SLC45A4: variants seen among roughly 807,000 people sequenced by gnomAD.
SLC45A4 encodes polyamine-transporter SLC45A4.
Under a neutral mutation model 63.7 loss-of-function variants are expected in SLC45A4, and 32 were observed. The ratio of observed to expected loss-of-function variants is 0.50; its 90% CI spans 0.38 to 0.67. The LOEUF (loss-of-function observed/expected upper bound fraction) is 0.67. Among genes scored for constraint, SLC45A4 ranks in the 30% least tolerant of loss-of-function variants. The probability of loss-of-function intolerance (pLI) is 0.00; values close to 1 mark genes in which losing one functional copy is unlikely to be tolerated. For missense variants in SLC45A4, 1,027 were observed against 1,157.7 expected (o/e 0.89, Z 1.64); for synonymous variants, 535 against 510.0 (o/e 1.05, Z -0.66).
rs1828654467 is a variant in SLC45A4, at chr8:141,254,085, T to C, written c.145A>G (p.Met49Val). ...GCCCCGTGCATCACCCACAGGCGCATGGGGATTCGGTCTATGGACCCCTCG... is the reference window on the plus strand; with the variant it reads ...GCCCCGTGCATCACCCACAGGCGCACGGGGATTCGGTCTATGGACCCCTCG... ...ISEGSIDRIP[M>V]RLWVMHGAVM... Residue 49 changes from methionine (M) to valine (V), a missense_variant, in exon 2 of 9, where the codon ATG becomes GTG. Coordinates refer to ENST00000517878, the MANE Select transcript of SLC45A4 (RefSeq NM_001286646.2). This position sits in a 1 kb window ranked among gnomAD's most constrained non-coding sequence, Gnocchi z 4.5. 4 of 1,536,158 alleles carry C rather than the reference T, an allele frequency of 2.6e-6. No individual in the cohort carries two copies. The highest frequency in any genetic ancestry group is 2.4e-5 in the South Asian group (2 of 84,066).
chr8:141,212,969 C>A (rs1214532977), intron 7 of SLC45A4, among the ~76,000 whole-genome samples: 1 of 152,196 alleles, frequency 6.6e-6, no homozygotes, highest in Non-Finnish European at 1.5e-5. Flanking sequence ...CTGCAGGTGG[C>A]CACGTGCAAC....
chr8:141,253,474 T>C (rs969607606), intron 2 of SLC45A4, among the ~76,000 whole-genome samples: 1 of 152,256 alleles, frequency 6.6e-6, no homozygotes, highest in Non-Finnish European at 1.5e-5. Context: ...GATGACAGCA[T>C]CTTCCAGTAT....
chr8:141,231,509 G>T (rs1424544311), intron 2 of SLC45A4, among the ~76,000 whole-genome samples: 1 of 152,220 alleles, frequency 6.6e-6, no homozygotes, highest in Non-Finnish European at 1.5e-5. Flanking sequence ...CAAGAGGGCC[G>T]CGCAGCTACC....
intron 2 of SLC45A4, among the ~76,000 whole-genome samples, chr8:141,248,570 A>T (rs1048703245): frequency 5.3e-5 from 8 of 152,108 alleles, no homozygotes; most frequent in East Asian, 1.9e-4. Context: ...TGTTTAAAAA[A>T]AAAAATAATA....
chr8:141,266,265 T>G (rs961842544), intron 1 of SLC45A4, among the ~76,000 whole-genome samples: 4 of 152,160 alleles, frequency 2.6e-5, no homozygotes, highest in African/African-American at 9.7e-5. Flanking sequence ...CACGCACGCA[T>G]GGGCCTGACA....
At chr8:141,257,001 A>G (rs1360587159) in intron 1 of SLC45A4, among the ~76,000 whole-genome samples, 2 of 152,040 alleles carry the variant, frequency 1.3e-5, no homozygotes, top group East Asian at 1.9e-4. Context: ...TTACAGGCAC[A>G]TGCCACCACG....
In SLC45A4 at chr8:141,207,371, G is replaced by C. The variant is rs1221646232; in HGVS notation, c.*4201C>G. The stretch of plus-strand genomic sequence containing the variant: ...AACCTAAGGGCTCTGTGTACACACA[G>C]ACACAAACATGAGGCCACTGTTACC... On this transcript the variant is annotated 3_prime_UTR_variant, in exon 9 of 9. Coordinates refer to ENST00000517878, the MANE Select transcript of SLC45A4 (RefSeq NM_001286646.2). The C allele has an allele frequency of 6.6e-6, 1 of 152,232 alleles. No homozygotes were observed. Among genetic ancestry groups the C allele is most frequent in the Non-Finnish European group, 1.5e-5 (1 of 68,082 alleles). 9.4% of individuals were successfully genotyped at this position (152,232 alleles called of 1,614,324 possible). A position where few individuals can be genotyped will look rare whatever the true frequency, so the allele number is the denominator to read the frequency against.
intron 1 of SLC45A4, among the ~76,000 whole-genome samples, chr8:141,266,883 G>C (rs554942420): frequency 6.6e-6 from 1 of 152,180 alleles, no homozygotes; most frequent in Non-Finnish European, 1.5e-5. Context: ...ACAAATGTCC[G>C]CCATCACTCT....
intron 1 of SLC45A4, among the ~76,000 whole-genome samples, chr8:141,261,146 G>A (rs968125022): frequency 1.7e-4 from 26 of 152,110 alleles, no homozygotes; most frequent in African/African-American, 5.6e-4. Context: ...CTCAATAGAC[G>A]CAGAAAAGGC....
At chr8:141,220,723 C>T (rs973636720) in intron 3 of SLC45A4, among the ~76,000 whole-genome samples, 7 of 152,242 alleles carry the variant, frequency 4.6e-5, no homozygotes, top group African/African-American at 2.4e-5. Flanking sequence ...GGCGACGGCT[C>T]CGAGGCAGAG....
chr8:141,300,862 G>A (rs899848114), intron 1 of SLC45A4, among the ~76,000 whole-genome samples: 2 of 152,208 alleles, frequency 1.3e-5, no homozygotes, highest in African/African-American at 2.4e-5. Flanking sequence ...TTAGAAAACA[G>A]GCAATTAAAT....
At chr8:141,240,341 A>G (rs1203692679) in intron 2 of SLC45A4, among the ~76,000 whole-genome samples, 1 of 152,210 alleles carries the variant, frequency 6.6e-6, no homozygotes, top group Non-Finnish European at 1.5e-5. Context: ...TTTCTTTTAC[A>G]TGATTTTCCT....
intron 1 of SLC45A4, among the ~76,000 whole-genome samples, chr8:141,296,677 A>G (rs1830565407): frequency 6.7e-6 from 1 of 148,494 alleles, no homozygotes; most frequent in African/African-American, 2.5e-5. Context: ...CCCTATTAAA[A>G]ATACAAAAAT....
chr8:141,233,413 C>T (rs541955698), intron 2 of SLC45A4, among the ~76,000 whole-genome samples: 4 of 152,258 alleles, frequency 2.6e-5, no homozygotes, highest in East Asian at 3.9e-4. Flanking sequence ...CAGCCAGGTG[C>T]GGTGGCTCAC....
chr8:141,300,247 C>T (rs1299171947), intron 1 of SLC45A4, among the ~76,000 whole-genome samples: 1 of 152,180 alleles, frequency 6.6e-6, no homozygotes, highest in East Asian at 1.9e-4. Flanking sequence ...TGGGAGACAC[C>T]AGAGACCCCA....
intron 3 of SLC45A4, among the ~76,000 whole-genome samples, chr8:141,220,724 C>T (rs10101692): frequency 0.65 from 98,584 of 152,170 alleles, 32,469 homozygotes; most frequent in East Asian, 0.82. Context: ...GCGACGGCTC[C>T]GAGGCAGAGG....
At chr8:141,253,072 CGA>C (rs1163531501) in intron 2 of SLC45A4, 2 of 147,026 alleles carry the variant, frequency 1.4e-5, no homozygotes, top group African/African-American at 5.4e-5. Flanking sequence ...CGCCCACCTG[CGA>C]GTGTCTGTGA....
rs1280659620 is a variant in SLC45A4 at position 141,278,247 on chromosome 8, C to T, written c.-400-23618G>A. ...ATAGGGAGCCTGGGCTGAGGCCACA[C>T]TCGTGAGGCAGTGGGTTTCCCCGAT... On this transcript the variant is annotated intron_variant, in intron 1 of 8. Transcript: ENST00000517878. This position sits in a 1 kb window ranked among gnomAD's most constrained non-coding sequence, Gnocchi z 4.1. 1.3e-5 allele frequency: 2 copies of T among 152,400 alleles called. No individual in the cohort carries two copies. The highest frequency in any genetic ancestry group is 2.9e-5 in the Non-Finnish European group (2 of 68,122). 9.4% of individuals were successfully genotyped at this position (152,400 alleles called of 1,614,324 possible).
At chr8:141,255,989 C>T (rs758555875) in intron 1 of SLC45A4, among the ~76,000 whole-genome samples, 9 of 152,154 alleles carry the variant, frequency 5.9e-5, no homozygotes, top group African/African-American at 1.4e-4. Flanking sequence ...CCAACCCACA[C>T]GCAGCTTTCC....
Sources: gnomAD v4.1 joint callset for allele counts (sites outside exome capture counted in the v4.1 genomes callset) on GRCh38, gnomAD v4.1.1 for gene constraint, Gnocchi (gnomAD v3.1) non-coding constraint, MANE v1.5 for transcripts, NCBI Gene and HGNC (gene_info 2026-07-23, HGNC 2026-07-21) for gene names.